AP3B1: variants seen among roughly 807,000 people sequenced by gnomAD.
AP3B1 encodes adaptor related protein complex 3 subunit beta 1.
A neutral mutation model predicts 132.5 loss-of-function variants in AP3B1; 61 were observed. The ratio of observed to expected loss-of-function variants is 0.46; its 90% CI spans 0.37 to 0.57. The LOEUF is 0.57. Ranked by LOEUF, AP3B1 falls within the 20% of genes least tolerant of loss-of-function variation. The pLI is 0.00. For synonymous variants in AP3B1, 388 were observed against 438.3 expected (o/e 0.89, Z 1.43); for missense variants, 1,120 against 1,289.4 (o/e 0.87, Z 2.01).
intron 22 of AP3B1, among the ~76,000 whole-genome samples, chr5:78,063,745 A>G (rs1279833891): frequency 2.0e-5 from 3 of 152,240 alleles, no homozygotes; most frequent in African/African-American, 7.2e-5. Flanking sequence ...GTTTAATATA[A>G]TACGTAGTCT....
chr5:78,123,268 A>G (rs1023023275), intron 17 of AP3B1, among the ~76,000 whole-genome samples: 1 of 152,244 alleles, frequency 6.6e-6, no homozygotes, highest in African/African-American at 2.4e-5. Context: ...AGGCAATACC[A>G]TTCAGGACAG....
At chr5:78,092,932 G>A (rs963345104) in intron 21 of AP3B1, among the ~76,000 whole-genome samples, 22 of 152,116 alleles carry the variant, frequency 1.4e-4, no homozygotes, top group African/African-American at 5.1e-4. Flanking sequence ...TTACAGGCAT[G>A]AGCCACCATG....
At position 78,129,522 on chromosome 5, in the gene AP3B1, AGCAGCCATGT is replaced by A. The variant is rs1386993672; in HGVS notation, c.1651-225_1651-216del. Among the ~76,000 whole-genome samples, 7 of 152,266 alleles carry A rather than the reference AGCAGCCATGT, an allele frequency of 4.6e-5. No individual in the cohort carries two copies. In the East Asian group the frequency reaches 1.3e-3, roughly 29 times the overall value. On this transcript the variant is annotated intron_variant, in intron 15 of 26. Coordinates refer to ENST00000255194, the MANE Select transcript of AP3B1 (RefSeq NM_003664.5). The stretch of plus-strand genomic sequence containing the variant: ...GGTAGGTGAATGCTGAGTATTGAGA[AGCAGCCATGT>A]GCTAGATTATTAAACTGCTGAAGTG...
At chr5:78,145,920 C>T (rs77701432) in intron 14 of AP3B1, among the ~76,000 whole-genome samples, 4,751 of 152,270 alleles carry the variant, frequency 0.031, 254 homozygotes, top group African/African-American at 0.11. Context: ...AATAAAGTGG[C>T]TCAGGCACTG....
chr5:78,097,246 GC>G (rs1750878472), intron 21 of AP3B1, among the ~76,000 whole-genome samples: 1 of 98,044 alleles, frequency 1.0e-5, no homozygotes, highest in Non-Finnish European at 2.3e-5. Flanking sequence ...GGGGGGGTCA[GC>G]CCCCCGCCCG....
chr5:78,114,785 T>A (rs551193975), intron 18 of AP3B1, among the ~76,000 whole-genome samples: 1 of 152,320 alleles, frequency 6.6e-6, no homozygotes, highest in South Asian at 2.1e-4. Flanking sequence ...TCCATCACAG[T>A]GAAAACCTAG....
chr5:78,260,860 A>AT (rs201061183), intron 2 of AP3B1, among the ~76,000 whole-genome samples: 1 of 111,946 alleles, frequency 8.9e-6, no homozygotes. Flanking sequence ...GAATCATACA[A>AT]TTTTTTGTGT....
intron 11 of AP3B1, among the ~76,000 whole-genome samples, chr5:78,174,314 T>C (rs990388870): frequency 2.6e-5 from 4 of 152,210 alleles, no homozygotes; most frequent in Non-Finnish European, 2.9e-5. Flanking sequence ...CTCCCTATCT[T>C]TGTGGTTTTA....
rs1392074352 is a variant in AP3B1, at chr5:78,208,936, T to C, written c.786+7119A>G. Among the ~76,000 whole-genome samples, 2 of 30,710 alleles carry C rather than the reference T, an allele frequency of 6.5e-5. 1 individual carries two copies. Among genetic ancestry groups the C allele is most frequent in the Non-Finnish European group, 1.6e-4 (2 of 12,876 alleles). The allele number at this position is 30,710 out of a possible 152,430, so 20.1% of individuals were successfully genotyped here. A position where few individuals can be genotyped will look rare whatever the true frequency, so the allele number is the denominator to read the frequency against. ...CCTATGGATTGAAAAAATTCTAATATATATATTCCAAAGATGAAAGAGGTA... is the reference window on the plus strand; with the variant it reads ...CCTATGGATTGAAAAAATTCTAATACATATATTCCAAAGATGAAAGAGGTA... On this transcript the variant is annotated intron_variant, in intron 7 of 26. Coordinates refer to ENST00000255194, the MANE Select transcript of AP3B1 (RefSeq NM_003664.5).
chr5:78,116,992 C>T (rs1751868149), intron 17 of AP3B1, among the ~76,000 whole-genome samples: 1 of 152,116 alleles, frequency 6.6e-6, no homozygotes, highest in East Asian at 1.9e-4. Flanking sequence ...ATACAACCAT[C>T]CTTTCATGAC....
intron 17 of AP3B1, among the ~76,000 whole-genome samples, chr5:78,117,713 T>C (rs1218128395): frequency 6.6e-6 from 1 of 152,182 alleles, no homozygotes; most frequent in Non-Finnish European, 1.5e-5. Flanking sequence ...TTAAGAAAAA[T>C]ACTGACTTTA....
intron 11 of AP3B1, among the ~76,000 whole-genome samples, chr5:78,169,642 G>A (rs746109591): frequency 2.6e-5 from 4 of 151,990 alleles, no homozygotes; most frequent in Non-Finnish European, 5.9e-5. Flanking sequence ...TGCCGAAGCT[G>A]GTGTCGAACT....
chr5:78,220,625 A>C (rs971900984), intron 6 of AP3B1, among the ~76,000 whole-genome samples: 1 of 151,992 alleles, frequency 6.6e-6, no homozygotes, highest in Non-Finnish European at 1.5e-5. Flanking sequence ...CCTATAAGGG[A>C]AAGACTTGAA....
chr5:78,249,268 G>C (rs569885145), intron 2 of AP3B1, among the ~76,000 whole-genome samples: 76 of 152,270 alleles, frequency 5.0e-4, no homozygotes, highest in Non-Finnish European at 9.3e-4. Context: ...TCAGGAGACT[G>C]AAGCAGGAGA....
chr5:78,164,525 GA>G (rs1022273898), intron 12 of AP3B1, among the ~76,000 whole-genome samples: 24 of 151,868 alleles, frequency 1.6e-4, no homozygotes, highest in Admixed American at 1.2e-3. Context: ...AAAGGAACAA[GA>G]AAAAACACAA....
At chr5:78,111,929 T>A (rs1404616149) in intron 19 of AP3B1, among the ~76,000 whole-genome samples, 1 of 152,212 alleles carries the variant, frequency 6.6e-6, no homozygotes, top group Non-Finnish European at 1.5e-5. Context: ...GGGGCAGAAC[T>A]AGAATCTGAA....
intron 3 of AP3B1, among the ~76,000 whole-genome samples, chr5:78,234,355 A>G (rs1029983965): frequency 6.6e-6 from 1 of 152,210 alleles, no homozygotes; most frequent in Non-Finnish European, 1.5e-5. Context: ...CAAATGATTC[A>G]AACTATACTT....
chr5:78,105,732 C>T (rs910909265), intron 20 of AP3B1, among the ~76,000 whole-genome samples: 15 of 152,260 alleles, frequency 9.9e-5, no homozygotes, highest in Admixed American at 2.0e-4. Context: ...ACATAAAATA[C>T]GCTTATCAAT....
chr5:78,024,561 AT>A (rs70997962), intron 24 of AP3B1, among the ~76,000 whole-genome samples: 5,265 of 113,408 alleles, frequency 0.046, 100 homozygotes, highest in East Asian at 0.11. Context: ...AGCTAATTTA[AT>A]TTTTTTTTTT....
Sources: allele counts gnomAD v4.1 joint callset (sites outside exome capture counted in the v4.1 genomes callset), GRCh38; gene constraint gnomAD v4.1.1; transcripts MANE v1.5; gene names NCBI Gene and HGNC (gene_info 2026-07-23, HGNC 2026-07-21).